LAMA5: variants seen among roughly 807,000 people sequenced by gnomAD.
LAMA5 encodes the protein laminin subunit alpha 5.
Under a neutral mutation model 433.4 loss-of-function variants are expected in LAMA5, and 260 were observed. The observed-to-expected ratio is 0.60, with a 90% CI of 0.54 to 0.66. The LOEUF is 0.66. Among genes scored for constraint, LAMA5 ranks in the 30% least tolerant of loss-of-function variants. The pLI, the probability that LAMA5 is intolerant of heterozygous loss-of-function variation, is 0.00. For missense variants in LAMA5, 5,378 were observed against 5,258.5 expected (o/e 1.02, Z -0.70); for synonymous variants, 2,620 against 2,226.6 (o/e 1.18, Z -4.97).
Position 62,314,342 on chromosome 20 carries a change from C to T in LAMA5, c.8466G>A (p.Glu2822=), listed in dbSNP as rs765234171. 1.2e-6 allele frequency: 2 copies of T among 1,613,256 alleles called. No homozygotes were observed. The highest frequency in any genetic ancestry group is 3.3e-5 in the Admixed American group (2 of 59,978). Residue 2822 remains glutamate, a synonymous_variant, in exon 62 of 80, where the codon GAG becomes GAA. Transcript: ENST00000252999. ...CAGCTGCGAACTGCTCCCCAATGTC[C>T]TCATCGATGCTTAGGACTGCAGGGC... ...EAGPAVLSID[E]DIGEQFAAVS... is the part of the protein sequence containing the mutation.
rs557656298 is a variant in LAMA5 at position 62,352,995 on chromosome 20, C to T, written c.568+139G>A. The T allele has an allele frequency of 1.7e-5, 11 of 631,626 alleles. No homozygotes were observed. The East Asian group carries it at 2.6e-4, about 15-fold the overall frequency. The allele number at this position is 631,626 out of a possible 1,614,324, so 39.1% of individuals were successfully genotyped here. ...AAATCCCCATGAGCCTTCGGGTCCT[C>T]GTCTGACAGTCATGACCGCAGCAGC... On this transcript the variant is annotated intron_variant, in intron 3 of 79. Transcript: ENST00000252999.
chr20:62,328,327 C>G lies in LAMA5; in HGVS notation c.4566G>C (p.Leu1522=), dbSNP rs1230968670. ...CQPQTFGCHP[L]VGCEECNCSG... ...AGCAGTTACACTCCTCACAGCCGAC[C>G]AGGGGGTGGCAGCCAAAGGTCTGGG... is the stretch of plus-strand genomic sequence containing the variant. Residue 1522 remains leucine, a synonymous_variant, in exon 35 of 80, where the codon CTG becomes CTC. Coordinates refer to ENST00000252999, the MANE Select transcript of LAMA5 (RefSeq NM_005560.6). 1.2e-6 allele frequency: 2 copies of G among 1,602,784 alleles called. No individual in the cohort carries two copies. Among genetic ancestry groups the G allele is most frequent in the African/African-American group, 1.3e-5 (1 of 74,960 alleles).
rs1421412808 is a variant in LAMA5 at position 62,352,029 on chromosome 20, G to T, written c.738C>A (p.Tyr246Ter). The change falls in exon 5 of 80, where the codon TAC becomes TAA. Residue 246 changes from tyrosine (Y) to a stop codon, truncating the protein, a stop_gained. Transcript: ENST00000252999. LOFTEE classifies it high-confidence loss of function. ...NGRPGAMNFS[Y>*]SPLLREFTKA... ...TGGTGAACTCACGTAGCAGCGGCGA[G>T]TAGGAGAAATTCATGGCGCCCGGAC... 1 of 1,612,688 alleles carries T rather than the reference G, an allele frequency of 6.2e-7. No homozygotes were observed. The highest frequency in any genetic ancestry group is 8.5e-7 in the Non-Finnish European group (1 of 1,179,942).
intron 36 of LAMA5, 33 bp downstream of exon 36, chr20:62,327,833 G>A: frequency 1.3e-6 from 2 of 1,587,996 alleles, no homozygotes; most frequent in South Asian, 1.1e-5. Flanking sequence ...AGGCCGGAGG[G>A]AGAGGCCAGA....
Position 62,346,183 on chromosome 20 carries a change from T to C in LAMA5, c.1315A>G (p.Thr439Ala). ...CNCESDFTDG[T>A]CEDLTGRCYC... ...CATCGACCCGTCAGGTCCTCGCAGG[T>C]GCCATCCGTGAAGTCGGACTCGCAG... The change falls in exon 10 of 80, where the codon ACC (threonine) becomes GCC (alanine). Residue 439 changes from threonine (T) to alanine (A), a missense_variant. Physicochemically the swap from Thr to Ala is moderately conservative, Grantham distance 58. Coordinates refer to ENST00000252999, the MANE Select transcript of LAMA5 (RefSeq NM_005560.6). The C allele has an allele frequency of 6.2e-7, 1 of 1,612,606 alleles. No homozygotes were observed. Among genetic ancestry groups the C allele is most frequent in the Non-Finnish European group, 8.5e-7 (1 of 1,179,816 alleles).
At chr20:62,321,712 G>A (rs1271791520) in intron 48 of LAMA5, among the ~76,000 whole-genome samples, 1 of 114,986 alleles carries the variant, frequency 8.7e-6, no homozygotes, top group Non-Finnish European at 1.9e-5. Flanking sequence ...GGCAGGGCCA[G>A]CAGAGGGGTG....
At chr20:62,334,467 G>A (rs940059644) in intron 21 of LAMA5, 55 bp downstream of exon 21, 45 of 1,518,658 alleles carry the variant, frequency 3.0e-5, no homozygotes, top group Middle Eastern at 4.4e-4. Flanking sequence ...GGAGAGGCCC[G>A]GAGGACAAGC....
chr20:62,345,385 T>G (rs1383723295), intron 11 of LAMA5: 1 of 189,358 alleles, frequency 5.3e-6, no homozygotes, highest in Non-Finnish European at 1.1e-5. Flanking sequence ...TGCAGGTTAG[T>G]TACATATGTA....
Position 62,313,712 on chromosome 20 carries a change from C to T in LAMA5, c.8595G>A (p.Gly2865=), listed in dbSNP as rs936786929. The change falls in exon 63 of 80, where the codon GGG becomes GGA. Residue 2865 remains glycine (G), a synonymous_variant. Transcript: ENST00000252999. ...AGTCGTCTGGCCGCAGGTTGAGCAG[C>T]CCCTCTGCCCCAGGGGCCACCGTGT... The part of the protein sequence containing the change: ...KGDTVAPGAE[G]LLNLRPDDFV... 3.1e-6 allele frequency: 5 copies of T among 1,612,792 alleles called. No individual in the cohort carries two copies. The highest frequency in any genetic ancestry group is 1.7e-5 in the Admixed American group (1 of 60,004).
intron 1 of LAMA5, among the ~76,000 whole-genome samples, chr20:62,364,026 C>T (rs1186140247): frequency 6.6e-6 from 1 of 152,182 alleles, no homozygotes; most frequent in African/African-American, 2.4e-5. Flanking sequence ...ATCTGGGGGC[C>T]TCCCCGGGGT....
In LAMA5 at chr20:62,338,324, G is replaced by A. The variant is rs1416368938; in HGVS notation, c.1664C>T (p.Pro555Leu). 2 of 1,608,140 alleles carry A rather than the reference G, an allele frequency of 1.2e-6. No homozygotes were observed. Among genetic ancestry groups the A allele is most frequent in the Non-Finnish European group, 1.7e-6 (2 of 1,177,696 alleles). Reference protein sequence around the residue: ...SPGVADDRCDPDTGQCRCRVG... With the variant: ...SPGVADDRCDLDTGQCRCRVG... Reference sequence around the variant, plus strand: ...TCGGCACCTGCACTGGCCTGTGTCAGGGTCACAGCGGTCATCGGCCACTCC... The same window carrying A: ...TCGGCACCTGCACTGGCCTGTGTCAAGGTCACAGCGGTCATCGGCCACTCC... The change falls in exon 13 of 80, where the codon CCT becomes CTT. Residue 555 changes from proline to leucine, a missense_variant. Pro to Leu is a moderately conservative substitution (Grantham distance 98). Transcript: ENST00000252999.
In LAMA5 at chr20:62,323,612, C is replaced by A. The variant is rs760821486; in HGVS notation, c.5908G>T (p.Asp1970Tyr). 1.2e-6 allele frequency: 2 copies of A among 1,611,336 alleles called. No homozygotes were observed. Among genetic ancestry groups the A allele is most frequent in the Non-Finnish European group, 1.7e-6 (2 of 1,179,472 alleles). Residue 1970 changes from aspartate to tyrosine, a missense_variant, in exon 45 of 80, where the codon GAC (aspartate) becomes TAC (tyrosine). Asp to Tyr is a radical substitution (Grantham distance 160). Coordinates refer to ENST00000252999, the MANE Select transcript of LAMA5 (RefSeq NM_005560.6). ...TTGGGGTCACCGTTGCCGCTGCAGT[C>A]GCATGGCTGGCAGGAGCTGCCCAGC... ...LVLGSSCQPCDCSGNGDPNLL... is the reference protein window; with the variant it reads ...LVLGSSCQPCYCSGNGDPNLL...
chr20:62,337,133 G>C, intron 16 of LAMA5: 1 of 571,032 alleles, frequency 1.8e-6, no homozygotes, highest in Non-Finnish European at 3.3e-6. Flanking sequence ...ACACGCCCGT[G>C]AAAGGACATG....
chr20:62,319,251 T>G, intron 51 of LAMA5: 1 of 559,296 alleles, frequency 1.8e-6, no homozygotes, highest in Non-Finnish European at 3.2e-6. Flanking sequence ...AGCCAGCTTC[T>G]GAGCCTTCTC....
chr20:62,316,184 TC>T, intron 57 of LAMA5, 126 bp from the exon 58 acceptor site: 1 of 677,296 alleles, frequency 1.5e-6, no homozygotes, highest in East Asian at 2.7e-5. Context: ...ACAGGGACAC[TC>T]AGACATGGAG....
At position 62,324,677 on chromosome 20, in the gene LAMA5, T is replaced by C. The variant is rs552043346; in HGVS notation, c.5530-123A>G. 7 of 675,254 alleles carry C rather than the reference T, an allele frequency of 1.0e-5. No individual in the cohort carries two copies. Among genetic ancestry groups the C allele is most frequent in the South Asian group, 1.0e-4 (6 of 58,146 alleles). The allele number at this position is 675,254 out of a possible 1,614,324, so 41.8% of individuals were successfully genotyped here. A position where few individuals can be genotyped will look rare whatever the true frequency, so the allele number is the denominator to read the frequency against. On this transcript the variant is annotated intron_variant, in intron 41 of 79. Transcript: ENST00000252999. The surrounding 1 kb of genome is among the most constrained non-coding windows in gnomAD (Gnocchi z 4.4). ...CGAGGCACTGGGAACCCGTGGAGCATGGTCACCGCTGGGTCAGAGGCTGGT... is the reference window on the plus strand; with the variant it reads ...CGAGGCACTGGGAACCCGTGGAGCACGGTCACCGCTGGGTCAGAGGCTGGT...
intron 2 of LAMA5, chr20:62,355,211 C>A (rs1166627917): frequency 6.6e-6 from 1 of 152,378 alleles, no homozygotes; most frequent in South Asian, 2.1e-4. Context: ...ACCCACCACA[C>A]CTCCTCGGGA....
rs2297587 is a variant in LAMA5, at chr20:62,320,641, C to T, written c.6677G>A (p.Arg2226His). The T allele has an allele frequency of 0.21, 341,177 of 1,606,594 alleles. 36,716 individuals are homozygous for T. Among genetic ancestry groups the T allele is most frequent in the Middle Eastern group, 0.22 (1,327 of 6,022 alleles). The change falls in exon 50 of 80, where the codon CGC becomes CAC. Residue 2226 changes from arginine (R) to histidine (H), a missense_variant. Transcript: ENST00000252999. ...CTCCAGCTGCTGTGCCGTCTCATGG[C>T]GGGGGCCCAGGGGGCTCCGGAGCTG... The part of the protein sequence containing the change: ...QSQLRSPLGP[R>H]HETAQQLEVL...
chr20:62,336,807 C>T (rs1981712585), intron 16 of LAMA5, 21 bp from the exon 17 acceptor site: 4 of 1,611,330 alleles, frequency 2.5e-6, no homozygotes, highest in Non-Finnish European at 3.4e-6. Flanking sequence ...AGGACCATGC[C>T]TCGGTCATTT....
Sources: gnomAD v4.1 joint callset for allele counts (sites outside exome capture counted in the v4.1 genomes callset) on GRCh38, gnomAD v4.1.1 for gene constraint, Gnocchi (gnomAD v3.1) non-coding constraint, MANE v1.5 for transcripts, NCBI Gene and HGNC (gene_info 2026-07-23, HGNC 2026-07-21) for gene names.